Variants in MAGI2 observed in about 807,000 individuals in gnomAD.
MAGI2 encodes membrane-associated guanylate kinase, WW and PDZ domain-containing protein 2.
In MAGI2, 35 loss-of-function variants were observed where a neutral mutation model predicts 133.3. That is an observed-to-expected ratio of 0.26 (90% CI 0.20 to 0.35). The LOEUF (loss-of-function observed/expected upper bound fraction) is 0.35, where lower values mean the gene tolerates loss of function less well. MAGI2 is among the 10% of genes least tolerant of loss of function. The pLI, the probability that MAGI2 is intolerant of heterozygous loss-of-function variation, is 1.00. For missense variants in MAGI2, 1,636 were observed against 1,863.4 expected (o/e 0.88, Z 2.25); for synonymous variants, 729 against 710.6 (o/e 1.03, Z -0.41).
At chr7:78,816,671 A>G (rs532179743) in intron 2 of MAGI2, among the ~76,000 whole-genome samples, 1 of 152,336 alleles carries the variant, frequency 6.6e-6, no homozygotes, top group South Asian at 2.1e-4. Context: ...GGATGACAGC[A>G]CATCTTTTTA....
intron 21 of MAGI2, among the ~76,000 whole-genome samples, chr7:78,057,057 A>G (rs370196158): frequency 7.8e-6 from 1 of 127,726 alleles, no homozygotes; most frequent in Non-Finnish European, 1.6e-5. Context: ...CTATATATAT[A>G]AATTATATAT....
At chr7:79,034,626 A>G (rs576554658) in intron 1 of MAGI2, among the ~76,000 whole-genome samples, 13 of 152,212 alleles carry the variant, frequency 8.5e-5, no homozygotes, top group African/African-American at 3.1e-4. Context: ...TATAAAAGAT[A>G]CTCAAAGAAC....
chr7:78,213,713 C>A (rs187203393), intron 10 of MAGI2, among the ~76,000 whole-genome samples: 1 of 152,308 alleles, frequency 6.6e-6, no homozygotes, highest in Admixed American at 6.5e-5. Flanking sequence ...ACCTCAATTC[C>A]ATTTTTGTAG....
At chr7:79,035,203 T>G (rs1811006811) in intron 1 of MAGI2, among the ~76,000 whole-genome samples, 1 of 126,222 alleles carries the variant, frequency 7.9e-6, no homozygotes, top group Non-Finnish European at 1.6e-5. Context: ...TGTGTGTGTG[T>G]GTGGTGGCGG....
chr7:79,096,655 T>C (rs188666160), intron 1 of MAGI2, among the ~76,000 whole-genome samples: 10 of 152,334 alleles, frequency 6.6e-5, no homozygotes, highest in African/African-American at 1.4e-4. Flanking sequence ...CTAATATTCA[T>C]GTGATTCATG....
Position 78,575,955 on chromosome 7 carries a change from G to A in MAGI2, c.538+51165C>T, listed in dbSNP as rs547759167. 1.7e-4 allele frequency among the ~76,000 whole-genome samples: 26 copies of A among 152,170 alleles called. No homozygotes were observed. The South Asian group carries it at 5.0e-3, about 29-fold the overall frequency. On this transcript the variant is annotated intron_variant, in intron 3 of 21. Coordinates refer to ENST00000354212, the MANE Select transcript of MAGI2 (RefSeq NM_012301.4). The stretch of plus-strand genomic sequence containing the variant: ...ATATCAACATAGGTTTATTAGTTAC[G>A]ACAAACATACCACACTAATGCAAGA...
chr7:79,207,734 C>A (rs933133397), intron 1 of MAGI2, among the ~76,000 whole-genome samples: 1 of 151,818 alleles, frequency 6.6e-6, no homozygotes, highest in African/African-American at 2.4e-5. Context: ...ATAGCCAAAG[C>A]AACTCTGAGC....
intron 3 of MAGI2, among the ~76,000 whole-genome samples, chr7:78,569,496 C>A (rs1329690545): frequency 6.6e-6 from 1 of 152,154 alleles, no homozygotes; most frequent in Non-Finnish European, 1.5e-5. Flanking sequence ...CATATGGAAA[C>A]TCAGACTTTC....
intron 2 of MAGI2, among the ~76,000 whole-genome samples, chr7:78,757,305 T>TTCTCTCTCTCTCTCTCTC (rs3086250): frequency 4.4e-4 from 64 of 145,384 alleles, no homozygotes; most frequent in Non-Finnish European, 7.1e-4. Context: ...TTCTCCCTCC[T>TTCTCTCTCTCTCTCTCTC]TCTCTCTCTC....
At chr7:78,836,002 T>A (rs966391476) in intron 2 of MAGI2, among the ~76,000 whole-genome samples, 1 of 152,182 alleles carries the variant, frequency 6.6e-6, no homozygotes, top group Non-Finnish European at 1.5e-5. Flanking sequence ...GCTTTGTTGT[T>A]TTCTAATAAA....
chr7:78,816,963 C>T (rs2151420403), intron 2 of MAGI2, among the ~76,000 whole-genome samples: 1 of 152,198 alleles, frequency 6.6e-6, no homozygotes, highest in East Asian at 1.9e-4. Context: ...CTCTGATGGA[C>T]CTGGGCAAAG....
chr7:78,306,171 T>C (rs564401106), intron 9 of MAGI2, among the ~76,000 whole-genome samples: 1 of 152,330 alleles, frequency 6.6e-6, no homozygotes, highest in African/African-American at 2.4e-5. Context: ...AAAGGCTTCT[T>C]CTTAGTTAAT....
intron 3 of MAGI2, among the ~76,000 whole-genome samples, chr7:78,604,176 A>AG (rs1367435579): frequency 1.3e-5 from 2 of 152,186 alleles, no homozygotes; most frequent in Non-Finnish European, 2.9e-5. Flanking sequence ...GGATTTAAGT[A>AG]GGGAAAGAAT....
At chr7:78,712,412 T>C (rs1260512128) in intron 2 of MAGI2, among the ~76,000 whole-genome samples, 1 of 152,152 alleles carries the variant, frequency 6.6e-6, no homozygotes, top group African/African-American at 2.4e-5. Flanking sequence ...GTATAACAAA[T>C]AGCTTATAAA....
chr7:79,130,909 ATT>A (rs1475946925), intron 1 of MAGI2, among the ~76,000 whole-genome samples: 1 of 137,738 alleles, frequency 7.3e-6, no homozygotes, highest in African/African-American at 2.9e-5. Flanking sequence ...CAATTCATTC[ATT>A]CATTCATTCA....
chr7:78,133,918 C>A (rs151134665), intron 17 of MAGI2, among the ~76,000 whole-genome samples: 70 of 152,264 alleles, frequency 4.6e-4, no homozygotes, highest in African/African-American at 1.3e-3. Context: ...TCTTCCCCCC[C>A]CTTTTTTCCC....
chr7:79,167,652 T>C (rs1825079393), intron 1 of MAGI2, among the ~76,000 whole-genome samples: 2 of 152,126 alleles, frequency 1.3e-5, no homozygotes, highest in Admixed American at 6.6e-5. Flanking sequence ...TCTGTCCCTA[T>C]GTTGCTGAAT....
intron 6 of MAGI2, among the ~76,000 whole-genome samples, chr7:78,436,206 C>T (rs1200516402): frequency 6.6e-6 from 1 of 152,082 alleles, no homozygotes; most frequent in Admixed American, 6.6e-5. Context: ...GAGGAAGGCC[C>T]TGCTTTAGAA....
chr7:79,210,664 G>A (rs753574377), intron 1 of MAGI2, among the ~76,000 whole-genome samples: 5 of 151,972 alleles, frequency 3.3e-5, no homozygotes, highest in African/African-American at 9.7e-5. Flanking sequence ...ACTCATGTGC[G>A]CATGCCATCT....
Sources: gnomAD v4.1 joint callset for allele counts (sites outside exome capture counted in the v4.1 genomes callset) on GRCh38, gnomAD v4.1.1 for gene constraint, MANE v1.5 for transcripts, NCBI Gene and HGNC (gene_info 2026-07-23, HGNC 2026-07-21) for gene names.